CEP78: variants seen among roughly 807,000 people sequenced by gnomAD.
CEP78 encodes centrosomal protein of 78 kDa.
CEP78 carries 76 observed loss-of-function variants against 81.2 expected under a neutral mutation model. That is an observed-to-expected ratio of 0.94 (90% CI 0.78 to 1.13). The LOEUF is 1.13. CEP78 is among the 50% of genes most tolerant of loss of function. CEP78 has a pLI of 0.00. For missense variants in CEP78, 918 were observed against 846.8 expected (o/e 1.08, Z -1.04); for synonymous variants, 293 against 301.4 (o/e 0.97, Z 0.29).
Position 78,279,027 on chromosome 9 carries a change from C to T in CEP78, c.*8176C>T, listed in dbSNP as rs1253086396. The T allele has an allele frequency of 7.0e-6, 1 of 143,428 alleles. No homozygotes were observed. Among genetic ancestry groups the T allele is most frequent in the Non-Finnish European group, 1.5e-5 (1 of 67,418 alleles). 8.9% of individuals were successfully genotyped at this position (143,428 alleles called of 1,614,324 possible). On this transcript the variant is annotated 3_prime_UTR_variant, in exon 17 of 17. Coordinates refer to ENST00000643273, the MANE Select transcript of CEP78 (RefSeq NM_001330691.3). ...AAAGGGCTCAGAGAATGCCCGAGTT[C>T]TCTTAGTACAGTTTGTACATTTTAA...
rs990475666 is a variant in CEP78 at position 78,277,221 on chromosome 9, G to A, written c.*6370G>A. On this transcript the variant is annotated 3_prime_UTR_variant, in exon 17 of 17. Transcript: ENST00000643273. ...TAGAAGAAAATACTGGAAAAAAATTGTAATAAATGTGTAAGAAAGGCATTC... is the reference window on the plus strand; with the variant it reads ...TAGAAGAAAATACTGGAAAAAAATTATAATAAATGTGTAAGAAAGGCATTC... 30 of 151,858 alleles carry A rather than the reference G, an allele frequency of 2.0e-4. No individual in the cohort carries two copies. The highest frequency in any genetic ancestry group is 7.3e-4 in the African/African-American group (30 of 41,342). The allele number at this position is 151,858 out of a possible 1,614,324, so 9.4% of individuals were successfully genotyped here. A position where few individuals can be genotyped will look rare whatever the true frequency, so the allele number is the denominator to read the frequency against.
chr9:78,266,534 CA>C lies in CEP78; in HGVS notation c.1940del (p.Asn647ThrfsTer3). 1 of 1,613,858 alleles carries C rather than the reference CA, an allele frequency of 6.2e-7. No individual in the cohort carries two copies. Among genetic ancestry groups the C allele is most frequent in the East Asian group, 2.2e-5 (1 of 44,878 alleles). On this transcript the variant is annotated frameshift_variant, in exon 16 of 17. Coordinates refer to ENST00000643273, the MANE Select transcript of CEP78 (RefSeq NM_001330691.3). LOFTEE classifies it high-confidence loss of function. ...STPEGLGTSSNNLGVPATEQR... is the reference protein window; with the variant it reads ...STPEGLGTSSXNLGVPATEQR... ...CTCCAGAGGGCTTAGGAACTTCCAG[CA>C]ACAACCTAGGAGTCCCAGCTACTGA...
rs1264807084 is a variant in CEP78 at position 78,236,339 on chromosome 9, C to T, written c.-12C>T. On this transcript the variant is annotated 5_prime_UTR_variant, in exon 1 of 17. Transcript: ENST00000643273. ...CTCCGCGGCGGGCATCCCCCGAGGC[C>T]GCCCTCGGGCCATGATCGACTCCGT... 1.9e-6 allele frequency: 3 copies of T among 1,555,386 alleles called. No individual in the cohort carries two copies. The highest frequency in any genetic ancestry group is 2.6e-6 in the Non-Finnish European group (3 of 1,156,058).
At chr9:78,263,528 T>C in intron 12 of CEP78, among the ~76,000 whole-genome samples, 1 of 152,154 alleles carries the variant, frequency 6.6e-6, no homozygotes, top group East Asian at 1.9e-4. Context: ...TGAAAGTATA[T>C]GCATTGGTTT....
At chr9:78,237,970 A>AT (rs1044973257) in intron 1 of CEP78, among the ~76,000 whole-genome samples, 2 of 150,020 alleles carry the variant, frequency 1.3e-5, no homozygotes, top group Admixed American at 6.6e-5. Flanking sequence ...AAAAAAAAAA[A>AT]AAAAATTAGC....
At chr9:78,266,302 A>T in intron 15 of CEP78, 140 bp from the exon 16 acceptor site, 1 of 629,112 alleles carries the variant, frequency 1.6e-6, no homozygotes, top group Non-Finnish European at 2.7e-6. Context: ...TTAAGTTGGC[A>T]ATCACTTGGC....
At chr9:78,254,630 A>G (rs954393703) in intron 10 of CEP78, 5 of 233,988 alleles carry the variant, frequency 2.1e-5, no homozygotes, top group African/African-American at 6.8e-5. Flanking sequence ...TTAATTATAA[A>G]CCTTATATGA....
In CEP78 at chr9:78,240,285, A is replaced by G; in HGVS notation, c.427-7A>G. 1 of 1,605,618 alleles carries G rather than the reference A, an allele frequency of 6.2e-7. No homozygotes were observed. The highest frequency in any genetic ancestry group is 8.5e-7 in the Non-Finnish European group (1 of 1,175,326). On this transcript the variant is annotated splice_polypyrimidine_tract_variant and splice_region_variant and intron_variant, in intron 2 of 16. Coordinates refer to ENST00000643273, the MANE Select transcript of CEP78 (RefSeq NM_001330691.3). ...ATAACATTTTTAACTTTTCCCCCTC[A>G]TTAAAGGGATTGAATAAATCGGCTT... is the stretch of plus-strand genomic sequence containing the variant.
At chr9:78,258,342 T>G (rs370846035) in intron 11 of CEP78, among the ~76,000 whole-genome samples, 1 of 152,298 alleles carries the variant, frequency 6.6e-6, no homozygotes, top group South Asian at 2.1e-4. Context: ...GAACAGAATA[T>G]AAATATTAAC....
chr9:78,236,576 T>G lies in CEP78; in HGVS notation c.226T>G (p.Phe76Val). 1 of 1,562,474 alleles carries G rather than the reference T, an allele frequency of 6.4e-7. No homozygotes were observed. Among genetic ancestry groups the G allele is most frequent in the Non-Finnish European group, 8.7e-7 (1 of 1,154,492 alleles). ...KDLPLVSIKS[F>V]FQPWLGDTGS... ...CCTGCCCTTGGTCTCCATCAAGAGC[T>G]TCTTCCAGCCCTGGCTGGGGGACAC... Residue 76 changes from phenylalanine (F) to valine (V), a missense_variant, in exon 1 of 17, where the codon TTC becomes GTC. By Grantham distance (50) the Phe-to-Val change is conservative (BLOSUM62 -1). Transcript: ENST00000643273.
rs1827851843 is a variant in CEP78 at position 78,278,747 on chromosome 9, A to G, written c.*7896A>G. On this transcript the variant is annotated 3_prime_UTR_variant, in exon 17 of 17. Transcript: ENST00000643273. Reference sequence around the variant, plus strand: ...GCTAAAAGTCATTTCTGCATTTGCAAATTACTTCCAAAGCCTACCTTCCTT... The same window carrying G: ...GCTAAAAGTCATTTCTGCATTTGCAGATTACTTCCAAAGCCTACCTTCCTT... 1 of 152,186 alleles carries G rather than the reference A, an allele frequency of 6.6e-6. No individual in the cohort carries two copies. Among genetic ancestry groups the G allele is most frequent in the African/African-American group, 2.4e-5 (1 of 41,440 alleles). The allele number at this position is 152,186 out of a possible 1,614,324, so 9.4% of individuals were successfully genotyped here. A position where few individuals can be genotyped will look rare whatever the true frequency, so the allele number is the denominator to read the frequency against.
rs1207968939 is a variant in CEP78, at chr9:78,278,037, C to T, written c.*7186C>T. 6.6e-6 allele frequency: 1 copy of T among 152,006 alleles called. No homozygotes were observed. Among genetic ancestry groups the T allele is most frequent in the Non-Finnish European group, 1.5e-5 (1 of 67,988 alleles). The allele number at this position is 152,006 out of a possible 1,614,324, so 9.4% of individuals were successfully genotyped here. ...CGTAGCATATATGCGTGTGTGCACC[C>T]TAGAAAAGAGTCTGTGATAACACAT... is the stretch of plus-strand genomic sequence containing the variant. On this transcript the variant is annotated 3_prime_UTR_variant, in exon 17 of 17. Coordinates refer to ENST00000643273, the MANE Select transcript of CEP78 (RefSeq NM_001330691.3).
rs1159329596 is a variant in CEP78, at chr9:78,264,313, C to G, written c.1622C>G (p.Ala541Gly). 2 of 1,612,710 alleles carry G rather than the reference C, an allele frequency of 1.2e-6. No individual in the cohort carries two copies. Among genetic ancestry groups the G allele is most frequent in the Admixed American group, 1.7e-5 (1 of 59,898 alleles). ...FHAFLDLLKD[A>G]GLGQLATMAG... Reference sequence around the variant, plus strand: ...GCTTTCTTGGATCTCCTTAAAGATGCTGGGTTAGTTACTTTCTCCCTATGA... The same window carrying G: ...GCTTTCTTGGATCTCCTTAAAGATGGTGGGTTAGTTACTTTCTCCCTATGA... The change falls in exon 13 of 17, where the codon GCT (alanine) becomes GGT (glycine). Residue 541 changes from alanine to glycine, a missense_variant. By Grantham distance (60) the Ala-to-Gly change is moderately conservative. Coordinates refer to ENST00000643273, the MANE Select transcript of CEP78 (RefSeq NM_001330691.3).
intron 8 of CEP78, 33 bp from the exon 9 acceptor site, chr9:78,251,875 C>G: frequency 1.3e-6 from 2 of 1,585,916 alleles, no homozygotes; most frequent in Non-Finnish European, 1.7e-6. Flanking sequence ...TTTAGTGCAT[C>G]TTGATTCTTT....
chr9:78,266,986 C>T, intron 16 of CEP78: 1 of 1,380,788 alleles, frequency 7.2e-7, no homozygotes, highest in East Asian at 2.8e-5. Context: ...AGCATCCATT[C>T]TCTATCACAC....
intron 12 of CEP78, among the ~76,000 whole-genome samples, chr9:78,263,664 G>C (rs1827380820): frequency 6.6e-6 from 1 of 152,152 alleles, no homozygotes; most frequent in Non-Finnish European, 1.5e-5. Flanking sequence ...TAGATAAATA[G>C]ATTTGGTGTA....
chr9:78,266,945 T>TA, intron 16 of CEP78: 1 of 1,418,436 alleles, frequency 7.1e-7, no homozygotes, highest in African/African-American at 1.4e-5. Context: ...CTGAAAGTGA[T>TA]ACTCTTGGAT....
rs137902081 is a variant in CEP78 at position 78,240,273 on chromosome 9, C to T, written c.427-19C>T. Reference sequence around the variant, plus strand: ...AAAAAAACCTCAATAACATTTTTAACTTTTCCCCCTCATTAAAGGGATTGA... The same window carrying T: ...AAAAAAACCTCAATAACATTTTTAATTTTTCCCCCTCATTAAAGGGATTGA... On this transcript the variant is annotated intron_variant, in intron 2 of 16. Transcript: ENST00000643273. 4.6e-4 allele frequency: 739 copies of T among 1,608,092 alleles called. 1 individual carries two copies. In the African/African-American group the frequency reaches 8.9e-3, roughly 19 times the overall value.
Position 78,278,641 on chromosome 9 carries a change from A to T in CEP78, c.*7790A>T, listed in dbSNP as rs1171098364. 5.3e-5 allele frequency: 8 copies of T among 152,244 alleles called. No homozygotes were observed. The highest frequency in any genetic ancestry group is 1.2e-4 in the Non-Finnish European group (8 of 68,050). 9.4% of individuals were successfully genotyped at this position (152,244 alleles called of 1,614,324 possible). On this transcript the variant is annotated 3_prime_UTR_variant, in exon 17 of 17. Transcript: ENST00000643273. ...TTGGAAACACTGGCTAGAGTGTTTC[A>T]AACATCTGCTCTGTTTACCCCTGAC...
Sources: gnomAD v4.1 joint callset for allele counts (sites outside exome capture counted in the v4.1 genomes callset) on GRCh38, gnomAD v4.1.1 for gene constraint, MANE v1.5 for transcripts, NCBI Gene and HGNC (gene_info 2026-07-23, HGNC 2026-07-21) for gene names.